CDH4: variants seen among roughly 807,000 people sequenced by gnomAD.
The protein encoded by CDH4 is cadherin-4.
CDH4 carries 33 observed loss-of-function variants against 86.0 expected under a neutral mutation model. That is an observed-to-expected ratio of 0.38 (90% CI 0.29 to 0.51). CDH4 has a LOEUF of 0.51. Ranked by LOEUF, CDH4 falls within the 20% of genes least tolerant of loss-of-function variation. CDH4 has a pLI of 0.86. For synonymous variants in CDH4, 555 were observed against 549.4 expected (o/e 1.01, Z -0.14); for missense variants, 1,114 against 1,307.4 (o/e 0.85, Z 2.28).
intron 2 of CDH4, among the ~76,000 whole-genome samples, chr20:61,648,215 TG>T (rs1356964995): frequency 2.0e-5 from 3 of 152,218 alleles, no homozygotes; most frequent in Non-Finnish European, 4.4e-5. Context: ...ATTCATTGTC[TG>T]GGTCTTTCTG....
intron 2 of CDH4, among the ~76,000 whole-genome samples, chr20:61,605,072 T>C (rs2086632189): frequency 1.3e-5 from 2 of 152,156 alleles, no homozygotes; most frequent in Admixed American, 1.3e-4. Flanking sequence ...TTTTCAAGTC[T>C]CCATCAAATG....
At chr20:61,502,261 C>G (rs1183922062) in intron 2 of CDH4, among the ~76,000 whole-genome samples, 1 of 152,202 alleles carries the variant, frequency 6.6e-6, no homozygotes. Context: ...AAAACCTGCT[C>G]CTGCTGTAAG....
At chr20:61,493,999 G>A (rs1427753538) in intron 2 of CDH4, among the ~76,000 whole-genome samples, 1 of 152,182 alleles carries the variant, frequency 6.6e-6, no homozygotes, top group Non-Finnish European at 1.5e-5. Context: ...CCAGGTCTGT[G>A]TTGTTGTGAC....
At chr20:61,375,837 G>GTC in intron 2 of CDH4, among the ~76,000 whole-genome samples, 1 of 49,634 alleles carries the variant, frequency 2.0e-5, no homozygotes, top group Non-Finnish European at 4.6e-5. Flanking sequence ...TGGTGGTGAT[G>GTC]GTGTGGTTTG....
chr20:61,697,858 C>T (rs556652231), intron 2 of CDH4, among the ~76,000 whole-genome samples: 145 of 152,352 alleles, frequency 9.5e-4, no homozygotes, highest in African/African-American at 3.0e-3. Flanking sequence ...GCCCAGGAGA[C>T]GCTTCTACCC....
At chr20:61,890,349 A>G (rs976522574) in intron 7 of CDH4, among the ~76,000 whole-genome samples, 1 of 149,392 alleles carries the variant, frequency 6.7e-6, no homozygotes, top group Non-Finnish European at 1.5e-5. Flanking sequence ...GAATGGATGT[A>G]TGGATAGATG....
chr20:61,617,925 G>A (rs955193742), intron 2 of CDH4, among the ~76,000 whole-genome samples: 9 of 152,202 alleles, frequency 5.9e-5, no homozygotes, highest in African/African-American at 2.2e-4. Flanking sequence ...TGTTCTCATG[G>A]TAGTGAGTGA....
chr20:61,653,978 C>T (rs538388951), intron 2 of CDH4, among the ~76,000 whole-genome samples: 13 of 146,956 alleles, frequency 8.8e-5, no homozygotes, highest in South Asian at 6.7e-4. Flanking sequence ...ACATCCCAGA[C>T]GAAGGGCGGC....
intron 2 of CDH4, among the ~76,000 whole-genome samples, chr20:61,419,740 T>A (rs1250525232): frequency 6.6e-6 from 1 of 152,146 alleles, no homozygotes; most frequent in Non-Finnish European, 1.5e-5. Flanking sequence ...TCCCTGTGTC[T>A]GGCCAATTCC....
intron 2 of CDH4, among the ~76,000 whole-genome samples, chr20:61,610,466 C>T (rs761600985): frequency 5.9e-5 from 9 of 152,188 alleles, no homozygotes; most frequent in Non-Finnish European, 1.0e-4. Context: ...AACTTGGGAG[C>T]GTAGCTATCT....
At chr20:61,305,881 G>A (rs1281567550) in intron 2 of CDH4, among the ~76,000 whole-genome samples, 1 of 152,242 alleles carries the variant, frequency 6.6e-6, no homozygotes, top group Non-Finnish European at 1.5e-5. Context: ...CTTCTAGAGT[G>A]AAGATCGGCC....
chr20:61,432,833 ATTTTT>A (rs36067606), intron 2 of CDH4, among the ~76,000 whole-genome samples: 1 of 101,708 alleles, frequency 9.8e-6, no homozygotes, highest in African/African-American at 3.6e-5. Flanking sequence ...TAAATCCATG[ATTTTT>A]TTTTTTTTTT....
At chr20:61,624,035 T>C (rs944240) in intron 2 of CDH4, among the ~76,000 whole-genome samples, 98,416 of 152,044 alleles carry the variant, frequency 0.65, 32,637 homozygotes, top group African/African-American at 0.8. Flanking sequence ...TCCAACGTTT[T>C]CTCGCTCCCT....
intron 2 of CDH4, among the ~76,000 whole-genome samples, chr20:61,272,936 T>C (rs1600822143): frequency 1.4e-5 from 1 of 73,812 alleles, no homozygotes; most frequent in East Asian, 4.3e-4. Context: ...GGGAGTACCG[T>C]GTGCAGTTTG....
At chr20:61,408,464 G>T (rs925547523) in intron 2 of CDH4, among the ~76,000 whole-genome samples, 15 of 152,156 alleles carry the variant, frequency 9.9e-5, no homozygotes, top group African/African-American at 3.6e-4. Flanking sequence ...CGTAACCGTA[G>T]ACTCAGTGCA....
At position 61,782,498 on chromosome 20, in the gene CDH4, A is replaced by G. The variant is rs368842091; in HGVS notation, c.576+9316A>G. ...CAGGAAGAGATACATTTATGGGCTA[A>G]TATAAAAGATTATCATTTTTCTTTT... is the stretch of plus-strand genomic sequence containing the variant. On this transcript the variant is annotated intron_variant, in intron 4 of 15. Transcript: ENST00000614565. 2.6e-5 allele frequency among the ~76,000 whole-genome samples: 4 copies of G among 152,366 alleles called. No homozygotes were observed. In the East Asian group the frequency reaches 5.8e-4, roughly 22 times the overall value.
intron 2 of CDH4, among the ~76,000 whole-genome samples, chr20:61,648,520 A>G (rs1023032459): frequency 2.6e-5 from 4 of 152,196 alleles, no homozygotes; most frequent in African/African-American, 9.6e-5. Flanking sequence ...TTTGTCGTCT[A>G]GACAGTATGG....
intron 2 of CDH4, among the ~76,000 whole-genome samples, chr20:61,547,971 A>T (rs1321192539): frequency 1.3e-5 from 2 of 152,238 alleles, no homozygotes; most frequent in African/African-American, 4.8e-5. Context: ...AAAGTAACAC[A>T]TGCCCTTGGC....
chr20:61,932,647 A>G lies in CDH4; in HGVS notation c.2240-338A>G, dbSNP rs111932975. 7.3e-3 allele frequency among the ~76,000 whole-genome samples: 1,106 copies of G among 152,322 alleles called. 12 individuals are homozygous for G. Among genetic ancestry groups the G allele is most frequent in the African/African-American group, 0.024 (1,016 of 41,562 alleles). ...AGCCTTCATACACACGTCCTCCTGC[A>G]GATACACGTATGCATGCTTACACAG... On this transcript the variant is annotated intron_variant, in intron 13 of 15. Coordinates refer to ENST00000614565, the MANE Select transcript of CDH4 (RefSeq NM_001794.5).
Sources: gnomAD v4.1 joint callset for allele counts (sites outside exome capture counted in the v4.1 genomes callset) on GRCh38, gnomAD v4.1.1 for gene constraint, MANE v1.5 for transcripts, NCBI Gene and HGNC (gene_info 2026-07-23, HGNC 2026-07-21) for gene names.